Variants in SYNE1 observed in about 807,000 individuals in gnomAD.
SYNE1 encodes the protein nesprin-1.
SYNE1 carries 616 observed loss-of-function variants against 1,111.0 expected under a neutral mutation model. The ratio of observed to expected loss-of-function variants is 0.55; its 90% CI spans 0.52 to 0.59. The LOEUF (loss-of-function observed/expected upper bound fraction) is 0.59, where lower values mean the gene tolerates loss of function less well. Ranked by LOEUF, SYNE1 falls within the 20% of genes least tolerant of loss-of-function variation. SYNE1 has a pLI of 0.00. For missense variants in SYNE1, 10,006 were observed against 10,417.0 expected (o/e 0.96, Z 1.72); for synonymous variants, 3,855 against 3,825.8 (o/e 1.01, Z -0.28).
chr6:152,472,421 A>G lies in SYNE1; in HGVS notation c.1351-8T>C. 1 of 1,609,916 alleles carries G rather than the reference A, an allele frequency of 6.2e-7. No individual in the cohort carries two copies. On this transcript the variant is annotated splice_polypyrimidine_tract_variant and splice_region_variant and intron_variant, in intron 14 of 145. Coordinates refer to ENST00000367255, the MANE Select transcript of SYNE1 (RefSeq NM_182961.4). ...CGTGTTTTGAAGCAGATCCTAAGAT[A>G]CAGTTTAAAAAAAAATAAAAAATGA...
Position 152,447,282 on chromosome 6 carries a change from A to C in SYNE1, c.3669+176T>G, listed in dbSNP as rs1049825861. ...TTTCCAATAATGGCACAGACCATACATCAAACATCCTCTTCATCTTTCCCA... is the reference window on the plus strand; with the variant it reads ...TTTCCAATAATGGCACAGACCATACCTCAAACATCCTCTTCATCTTTCCCA... On this transcript the variant is annotated intron_variant, in intron 29 of 145. Transcript: ENST00000367255. Among the ~76,000 whole-genome samples the C allele has an allele frequency of 7.2e-5, 11 of 152,246 alleles. 1 individual carries two copies. Among genetic ancestry groups the C allele is most frequent in the Admixed American group, 6.5e-4 (10 of 15,284 alleles).
chr6:152,438,260 A>G (rs2154219142), intron 32 of SYNE1, among the ~76,000 whole-genome samples: 1 of 152,316 alleles, frequency 6.6e-6, no homozygotes, highest in South Asian at 2.1e-4. Context: ...TCCCATGAAT[A>G]TAATCAGAAG....
intron 14 of SYNE1, among the ~76,000 whole-genome samples, chr6:152,478,240 G>T (rs1304374918): frequency 2.6e-5 from 4 of 152,144 alleles, no homozygotes; most frequent in African/African-American, 9.7e-5. Context: ...TGAGAGAAGA[G>T]AATTTAGAAA....
chr6:152,229,985 T>C (rs1490307850), intron 115 of SYNE1, among the ~76,000 whole-genome samples: 2 of 152,196 alleles, frequency 1.3e-5, no homozygotes, highest in Non-Finnish European at 2.9e-5. Context: ...AGTGACATGA[T>C]GTCTGGTATT....
At chr6:152,156,163 A>C in intron 131 of SYNE1, 66 bp from the exon 132 acceptor site, 1 of 1,560,084 alleles carries the variant, frequency 6.4e-7, no homozygotes, top group Non-Finnish European at 8.8e-7. Context: ...AACTGAAGCA[A>C]CCTATGTTGG....
At chr6:152,153,115 A>G (rs890851139) in intron 133 of SYNE1, among the ~76,000 whole-genome samples, 1 of 152,234 alleles carries the variant, frequency 6.6e-6, no homozygotes. Flanking sequence ...TCCTTGGCTC[A>G]TCACACTGTT....
Position 152,404,214 on chromosome 6 carries a change from T to C in SYNE1, c.6824A>G (p.Gln2275Arg). 6.2e-7 allele frequency: 1 copy of C among 1,611,630 alleles called. No homozygotes were observed. Among genetic ancestry groups the C allele is most frequent in the Non-Finnish European group, 8.5e-7 (1 of 1,178,394 alleles). The change falls in exon 46 of 146, where the codon CAG becomes CGG. Residue 2275 changes from glutamine (Q) to arginine (R), a missense_variant and splice_region_variant. By Grantham distance (43) the Gln-to-Arg change is conservative. Transcript: ENST00000367255. ...TAGTAGTTATTACAAAATGCTTACC[T>C]GAAGGTCTGGCGGTGTTTCTAGATT... ...TKNLETPPDL[Q>R]FIEADLMQKL...
At chr6:152,394,442 C>G (rs1236443823) in intron 51 of SYNE1, among the ~76,000 whole-genome samples, 2 of 152,166 alleles carry the variant, frequency 1.3e-5, no homozygotes, top group Non-Finnish European at 2.9e-5. Context: ...CAAAGCCAAG[C>G]TGCACTTCCC....
Position 152,511,040 on chromosome 6 carries a change from A to G in SYNE1, c.373T>C (p.Leu125=). ...ADGRPSIVLG[L]MWTIILYFQI... ...AAATATAGAATAATGGTCCACATCA[A>G]TCCAAGAACTATTGAGGGTCGGCCA... The change falls in exon 7 of 146, where the codon TTG becomes CTG. Residue 125 remains leucine (L), a synonymous_variant. Coordinates refer to ENST00000367255, the MANE Select transcript of SYNE1 (RefSeq NM_182961.4). 1 of 1,614,064 alleles carries G rather than the reference A, an allele frequency of 6.2e-7. No individual in the cohort carries two copies. Among genetic ancestry groups the G allele is most frequent in the Non-Finnish European group, 8.5e-7 (1 of 1,179,916 alleles).
chr6:152,278,651 C>T (rs772642496), intron 97 of SYNE1, among the ~76,000 whole-genome samples: 7 of 152,018 alleles, frequency 4.6e-5, no homozygotes, highest in Admixed American at 4.6e-4. Flanking sequence ...TTAGTAGAGA[C>T]GGGGTTTCAC....
chr6:152,248,180 C>T (rs1045161291), intron 105 of SYNE1, among the ~76,000 whole-genome samples: 1 of 152,180 alleles, frequency 6.6e-6, no homozygotes, highest in African/African-American at 2.4e-5. Context: ...AGATCTAGAA[C>T]TGCCATTCAT....
chr6:152,328,572 A>ATTT, intron 78 of SYNE1, among the ~76,000 whole-genome samples: 1 of 143,584 alleles, frequency 7.0e-6, no homozygotes, highest in African/African-American at 2.5e-5. Flanking sequence ...AACCCAGCTA[A>ATTT]TTTTTTTTTT....
intron 3 of SYNE1, chr6:152,546,711 T>C (rs1046891882): frequency 2.0e-5 from 3 of 152,212 alleles, no homozygotes; most frequent in Non-Finnish European, 4.4e-5. Context: ...AAAAACTCTA[T>C]TGAGGTAAAG....
intron 4 of SYNE1, among the ~76,000 whole-genome samples, chr6:152,530,736 C>T (rs1021013987): frequency 6.6e-6 from 1 of 151,958 alleles, no homozygotes; most frequent in Admixed American, 6.6e-5. Context: ...ATTGTCCTGC[C>T]TCAGCCTCCC....
intron 110 of SYNE1, among the ~76,000 whole-genome samples, chr6:152,235,584 C>T (rs2083823713): frequency 6.6e-6 from 1 of 152,170 alleles, no homozygotes; most frequent in South Asian, 2.1e-4. Context: ...TGGTCTCGAA[C>T]TCCTGACCTC....
chr6:152,168,346 G>T, intron 130 of SYNE1: 1 of 591,970 alleles, frequency 1.7e-6, no homozygotes, highest in South Asian at 2.1e-5. Flanking sequence ...CCGATAACAT[G>T]ACACTGGGCA....
chr6:152,449,658 AC>A lies in SYNE1; in HGVS notation c.3396-18del. The A allele has an allele frequency of 6.4e-7, 1 of 1,563,024 alleles. No individual in the cohort carries two copies. The highest frequency in any genetic ancestry group is 8.8e-7 in the Non-Finnish European group (1 of 1,133,528). ...TCAGAGAATCTGAAATAACATAAGC[AC>A]TTTCTTATTAAAGGGAGAACATACC... On this transcript the variant is annotated intron_variant, in intron 27 of 145. Transcript: ENST00000367255.
intron 39 of SYNE1, among the ~76,000 whole-genome samples, chr6:152,422,569 C>G (rs1242473152): frequency 6.6e-6 from 1 of 151,838 alleles, no homozygotes; most frequent in Admixed American, 6.6e-5. Context: ...GTGCTGTGAT[C>G]ACAGCTCCTT....
chr6:152,532,911 G>GGAAGA (rs774401307), intron 4 of SYNE1, among the ~76,000 whole-genome samples: 2 of 152,050 alleles, frequency 1.3e-5, no homozygotes, highest in Non-Finnish European at 2.9e-5. Flanking sequence ...GAAGTGGGAA[G>GGAAGA]GAAGAGAGGT....
Sources: allele counts gnomAD v4.1 joint callset (sites outside exome capture counted in the v4.1 genomes callset), GRCh38; gene constraint gnomAD v4.1.1; transcripts MANE v1.5; gene names NCBI Gene and HGNC (gene_info 2026-07-23, HGNC 2026-07-21).